Variants in CELF2 observed in about 807,000 individuals in gnomAD.
The protein encoded by CELF2 is CUGBP Elav-like family member 2.
Under a neutral mutation model 62.6 loss-of-function variants are expected in CELF2, and 8 were observed. The observed-to-expected ratio is 0.13, with a 90% CI of 0.07 to 0.23. The LOEUF (loss-of-function observed/expected upper bound fraction) is 0.23, where lower values mean the gene tolerates loss of function less well. Ranked by LOEUF, CELF2 falls within the 10% of genes least tolerant of loss-of-function variation. The probability of loss-of-function intolerance (pLI) is 1.00; values close to 1 mark genes in which losing one functional copy is unlikely to be tolerated. For missense variants in CELF2, 333 were observed against 671.0 expected (o/e 0.50, Z 5.56); for synonymous variants, 258 against 250.0 (o/e 1.03, Z -0.30).
At position 11,300,054 on chromosome 10, in the gene CELF2, G is replaced by A. The variant is rs1015291052; in HGVS notation, c.976+11502G>A. ...TGCCTTTATGAGTGCCCGTCTTCAC[G>A]GGACTGGGGAAGATGCTAAAAATTA... On this transcript the variant is annotated intron_variant, in intron 9 of 12. Coordinates refer to ENST00000633077, the MANE Select transcript of CELF2 (RefSeq NM_001326342.2). The surrounding 1 kb of genome is among the most constrained non-coding windows in gnomAD (Gnocchi z 5.5). Among the ~76,000 whole-genome samples the A allele has an allele frequency of 1.6e-4, 25 of 152,170 alleles. No homozygotes were observed.
chr10:10,496,982 G>T, the CELF2 span, among the ~76,000 whole-genome samples: 1 of 152,106 alleles, frequency 6.6e-6, no homozygotes, highest in Admixed American at 6.5e-5. Context: ...TTCAGGCCAG[G>T]AGTTTGAGAT....
chr10:10,701,467 A>G, the CELF2 span, among the ~76,000 whole-genome samples: 2 of 152,254 alleles, frequency 1.3e-5, no homozygotes, highest in Non-Finnish European at 2.9e-5. Flanking sequence ...TGAGTTGTCA[A>G]CCATTTGCAA....
chr10:11,017,396 T>C (rs186104433), upstream of CELF2, among the ~76,000 whole-genome samples: 452 of 152,382 alleles, frequency 3.0e-3, 3 homozygotes, highest in Non-Finnish European at 3.0e-3. The surrounding 1 kb of genome is among the most constrained non-coding windows in gnomAD (Gnocchi z 5.5). Flanking sequence ...AGGTTTGTCT[T>C]CCTTAGGGCA....
rs545886776 is a variant in CELF2 at position 11,332,037 on chromosome 10, G to A, written c.*2984G>A. The A allele has an allele frequency of 6.6e-6, 1 of 152,162 alleles. No homozygotes were observed. Among genetic ancestry groups the A allele is most frequent in the South Asian group, 2.1e-4 (1 of 4,822 alleles). The allele number at this position is 152,162 out of a possible 1,614,324, so 9.4% of individuals were successfully genotyped here. On this transcript the variant is annotated 3_prime_UTR_variant, in exon 13 of 13. Coordinates refer to ENST00000633077, the MANE Select transcript of CELF2 (RefSeq NM_001326342.2). ...AACAATTCCACGAGGCCAATCTAAAGGGAAAAAATCCTACACTACTTTTAC... is the reference window on the plus strand; with the variant it reads ...AACAATTCCACGAGGCCAATCTAAAAGGAAAAAATCCTACACTACTTTTAC...
chr10:10,501,864 C>T, the CELF2 span, among the ~76,000 whole-genome samples: 1 of 152,160 alleles, frequency 6.6e-6, no homozygotes, highest in East Asian at 1.9e-4. Flanking sequence ...GGAGTGAAAG[C>T]ATTCAGACTT....
chr10:11,332,573 G>C lies in CELF2; in HGVS notation c.*3520G>C, dbSNP rs2096047749. On this transcript the variant is annotated 3_prime_UTR_variant, in exon 13 of 13. Transcript: ENST00000633077. ...CTACGAACAGGTACCTTGCTGTCTT[G>C]ACAAATCCTAATGTCACGCCTACAG... The C allele has an allele frequency of 6.6e-6, 1 of 151,116 alleles. No homozygotes were observed. Among genetic ancestry groups the C allele is most frequent in the South Asian group, 2.1e-4 (1 of 4,818 alleles). 9.4% of individuals were successfully genotyped at this position (151,116 alleles called of 1,614,324 possible).
chr10:10,740,211 G>A, the CELF2 span, among the ~76,000 whole-genome samples: 2 of 143,810 alleles, frequency 1.4e-5, no homozygotes, highest in Middle Eastern at 3.7e-3. Flanking sequence ...CAATATCAAG[G>A]AGCTTTTCCC....
intron 1 of CELF2, among the ~76,000 whole-genome samples, chr10:11,125,152 A>G (rs2058458564): frequency 6.6e-6 from 1 of 152,200 alleles, no homozygotes; most frequent in Non-Finnish European, 1.5e-5. Flanking sequence ...GAAATGGCCA[A>G]GAACTTACAC....
At chr10:10,690,280 G>C in the CELF2 span, among the ~76,000 whole-genome samples, 1 of 152,096 alleles carries the variant, frequency 6.6e-6, no homozygotes, top group South Asian at 2.1e-4. Context: ...TGTAGCATAC[G>C]ATGTCCTCCA....
the CELF2 span, among the ~76,000 whole-genome samples, chr10:10,579,737 C>T: frequency 6.6e-6 from 1 of 152,056 alleles, no homozygotes; most frequent in Non-Finnish European, 1.5e-5. Flanking sequence ...AATGTTTCAT[C>T]TCCTCTAGGA....
At chr10:10,742,921 G>A in the CELF2 span, among the ~76,000 whole-genome samples, 2 of 152,196 alleles carry the variant, frequency 1.3e-5, no homozygotes, top group African/African-American at 4.8e-5. Flanking sequence ...ACTGAGGTTG[G>A]ATTCTCAACT....
the CELF2 span, among the ~76,000 whole-genome samples, chr10:10,618,094 A>G: frequency 6.6e-6 from 1 of 151,834 alleles, no homozygotes; most frequent in East Asian, 1.9e-4. Flanking sequence ...ACCCTCCATC[A>G]TCTCTTGCCT....
At chr10:10,637,208 C>T in the CELF2 span, among the ~76,000 whole-genome samples, 8 of 152,048 alleles carry the variant, frequency 5.3e-5, no homozygotes, top group African/African-American at 1.2e-4. Context: ...GAGTAAAATC[C>T]GCAAAAATTT....
In CELF2 at chr10:11,227,272, T is replaced by C. The variant is rs865783869; in HGVS notation, c.354+9765T>C. ...GGAAGTGATGGTCCAAGCAGTCAAGTCTGCATAACCATCTAAGCTTCTGAA... is the reference window on the plus strand; with the variant it reads ...GGAAGTGATGGTCCAAGCAGTCAAGCCTGCATAACCATCTAAGCTTCTGAA... On this transcript the variant is annotated intron_variant, in intron 3 of 12. Coordinates refer to ENST00000633077, the MANE Select transcript of CELF2 (RefSeq NM_001326342.2). This position sits in a 1 kb window ranked among gnomAD's most constrained non-coding sequence, Gnocchi z 4.8. Among the ~76,000 whole-genome samples the C allele has an allele frequency of 5.9e-5, 9 of 152,328 alleles. No homozygotes were observed. In the South Asian group the frequency reaches 1.5e-3, roughly 25 times the overall value.
chr10:10,735,593 A>G, the CELF2 span, among the ~76,000 whole-genome samples: 1 of 152,216 alleles, frequency 6.6e-6, no homozygotes, highest in Admixed American at 6.5e-5. Context: ...ACAGATGAAT[A>G]TCTATTTCAA....
the CELF2 span, among the ~76,000 whole-genome samples, chr10:10,592,185 A>C: frequency 1.3e-5 from 2 of 152,236 alleles, no homozygotes; most frequent in Non-Finnish European, 2.9e-5. Flanking sequence ...TCTGGCAGGA[A>C]CAATCTGTTC....
the CELF2 span, among the ~76,000 whole-genome samples, chr10:10,759,334 A>G: frequency 8.3e-6 from 1 of 121,134 alleles, no homozygotes; most frequent in South Asian, 2.6e-4. Context: ...TTTGAGATGA[A>G]GTCTCACTCT....
chr10:11,042,093 A>C (rs968838148), intron 1 of CELF2, among the ~76,000 whole-genome samples: 1 of 152,232 alleles, frequency 6.6e-6, no homozygotes, highest in East Asian at 1.9e-4. Context: ...TAACATGAAA[A>C]GGAAAGCTGG....
At chr10:10,903,485 A>G (rs1394952376) in intron 1 of CELF2, among the ~76,000 whole-genome samples, 2 of 152,242 alleles carry the variant, frequency 1.3e-5, no homozygotes, top group Non-Finnish European at 1.5e-5. Flanking sequence ...AAACAGATAA[A>G]GAAGAAATTG....
Sources: allele counts gnomAD v4.1 joint callset (sites outside exome capture counted in the v4.1 genomes callset), GRCh38; gene constraint gnomAD v4.1.1; non-coding constraint Gnocchi (gnomAD v3.1); transcripts MANE v1.5; gene names NCBI Gene and HGNC (gene_info 2026-07-23, HGNC 2026-07-21).